MACROD2: variants seen among roughly 807,000 people sequenced by gnomAD.
The protein encoded by MACROD2 is mono-ADP ribosylhydrolase 2.
Under a neutral mutation model 70.4 loss-of-function variants are expected in MACROD2, and 36 were observed. The ratio of observed to expected loss-of-function variants is 0.51; its 90% CI spans 0.39 to 0.68. The LOEUF (loss-of-function observed/expected upper bound fraction) is 0.68, where lower values mean the gene tolerates loss of function less well. Ranked by LOEUF, MACROD2 falls within the 30% of genes least tolerant of loss-of-function variation. The pLI is 0.00. For missense variants in MACROD2, 496 were observed against 538.4 expected (o/e 0.92, Z 0.78); for synonymous variants, 172 against 178.8 (o/e 0.96, Z 0.30).
chr20:15,622,171 T>C (rs2049134995), intron 8 of MACROD2, among the ~76,000 whole-genome samples: 1 of 152,196 alleles, frequency 6.6e-6, no homozygotes, highest in African/African-American at 2.4e-5. Context: ...TGCTTTGAGT[T>C]TGGCTAATGG....
chr20:15,607,066 G>A (rs975151891), intron 8 of MACROD2, among the ~76,000 whole-genome samples: 5 of 151,444 alleles, frequency 3.3e-5, no homozygotes, highest in Middle Eastern at 6.9e-3. Flanking sequence ...CTATTATCCC[G>A]GCACTTTGGG....
intron 12 of MACROD2, among the ~76,000 whole-genome samples, chr20:15,938,084 A>G (rs1199691417): frequency 6.6e-6 from 1 of 152,138 alleles, no homozygotes; most frequent in Non-Finnish European, 1.5e-5. Flanking sequence ...AAAAAAAAAA[A>G]AACAATTTAC....
At chr20:14,355,578 GT>G (rs1353587120) in intron 3 of MACROD2, among the ~76,000 whole-genome samples, 2 of 98,862 alleles carry the variant, frequency 2.0e-5, no homozygotes, top group Non-Finnish European at 2.3e-5. Context: ...TGGTTTTTTT[GT>G]GATGACATGG....
intron 5 of MACROD2, among the ~76,000 whole-genome samples, chr20:14,703,677 C>A (rs568696051): frequency 1.3e-5 from 2 of 152,224 alleles, no homozygotes; most frequent in South Asian, 2.1e-4. Context: ...TGCTCTCCAG[C>A]CTTGATTACA....
chr20:15,417,165 T>A (rs1254150208), intron 6 of MACROD2, among the ~76,000 whole-genome samples: 2 of 152,218 alleles, frequency 1.3e-5, no homozygotes, highest in African/African-American at 4.8e-5. Context: ...AAAAGGACCT[T>A]AGCTCATCCC....
chr20:15,305,104 G>A (rs1338536781), intron 6 of MACROD2, among the ~76,000 whole-genome samples: 1 of 152,172 alleles, frequency 6.6e-6, no homozygotes, highest in Non-Finnish European at 1.5e-5. Context: ...GGGCATCTGA[G>A]TCTGTAATCA....
rs1982589498 is a variant in MACROD2 at position 14,602,988 on chromosome 20, A to G, written c.302-81855A>G. On this transcript the variant is annotated intron_variant, in intron 4 of 17. Coordinates refer to ENST00000684519, the MANE Select transcript of MACROD2 (RefSeq NM_001351661.2). ...TACCAAAGAGAGACCAGCATTACCCAATTACATCTAGGAGACAACAAATAT... is the reference window on the plus strand; with the variant it reads ...TACCAAAGAGAGACCAGCATTACCCGATTACATCTAGGAGACAACAAATAT... Among the ~76,000 whole-genome samples, 11 of 152,278 alleles carry G rather than the reference A, an allele frequency of 7.2e-5. No homozygotes were observed. The South Asian group carries it at 2.1e-3, about 29-fold the overall frequency.
At chr20:14,572,879 T>G (rs906579902) in intron 4 of MACROD2, among the ~76,000 whole-genome samples, 2 of 150,380 alleles carry the variant, frequency 1.3e-5, no homozygotes, top group African/African-American at 4.9e-5. Context: ...ATATTAAATA[T>G]TAAATATTAA....
chr20:15,482,750 C>G (rs913550046), intron 7 of MACROD2, among the ~76,000 whole-genome samples: 11 of 152,114 alleles, frequency 7.2e-5, no homozygotes, highest in African/African-American at 1.9e-4. Flanking sequence ...TGTTTTGGAT[C>G]TTGGCCATTC....
intron 15 of MACROD2, among the ~76,000 whole-genome samples, chr20:15,993,367 G>A (rs918002062): frequency 6.6e-6 from 1 of 151,530 alleles, no homozygotes; most frequent in Admixed American, 6.6e-5. Context: ...CATTTTTACT[G>A]TACCTTTTCT....
intron 3 of MACROD2, among the ~76,000 whole-genome samples, chr20:14,293,880 G>A (rs752959507): frequency 1.3e-5 from 2 of 151,836 alleles, no homozygotes; most frequent in African/African-American, 2.4e-5. Context: ...GCCATTGGAA[G>A]AGTATGAAAA....
At chr20:14,698,078 A>T (rs973323606) in intron 5 of MACROD2, among the ~76,000 whole-genome samples, 1 of 152,134 alleles carries the variant, frequency 6.6e-6, no homozygotes, top group Non-Finnish European at 1.5e-5. Context: ...CCTCACCCTC[A>T]TGGAACTGTG....
chr20:14,947,505 T>C (rs1172928960), intron 5 of MACROD2, among the ~76,000 whole-genome samples: 1 of 152,206 alleles, frequency 6.6e-6, no homozygotes, highest in Non-Finnish European at 1.5e-5. Flanking sequence ...GATTGGTTCA[T>C]AATAAGTGGT....
At chr20:15,624,975 A>G (rs1306098855) in intron 8 of MACROD2, among the ~76,000 whole-genome samples, 1 of 152,146 alleles carries the variant, frequency 6.6e-6, no homozygotes, top group African/African-American at 2.4e-5. Flanking sequence ...TCTTTTTGGT[A>G]TGGTTCTTTC....
intron 7 of MACROD2, among the ~76,000 whole-genome samples, chr20:15,450,916 C>A (rs1042113326): frequency 6.6e-6 from 1 of 152,120 alleles, no homozygotes; most frequent in South Asian, 2.1e-4. Flanking sequence ...AATGGAATTG[C>A]GTCCATCTCA....
At chr20:15,357,133 T>G (rs948964296) in intron 6 of MACROD2, among the ~76,000 whole-genome samples, 1 of 152,202 alleles carries the variant, frequency 6.6e-6, no homozygotes, top group Non-Finnish European at 1.5e-5. Flanking sequence ...AGATTTGTCT[T>G]AGAACAATTC....
In MACROD2 at chr20:15,407,049, G is replaced by A. The variant is rs142772290; in HGVS notation, c.541-24356G>A. 1.2e-3 allele frequency among the ~76,000 whole-genome samples: 177 copies of A among 152,324 alleles called. 1 individual carries two copies. Among genetic ancestry groups the A allele is most frequent in the African/African-American group, 4.0e-3 (167 of 41,578 alleles). On this transcript the variant is annotated intron_variant, in intron 6 of 17. Transcript: ENST00000684519. The stretch of plus-strand genomic sequence containing the variant: ...CGGAGACCAAGAATTGGAGCCAAGT[G>A]ACTGGTTCCGAGTCCTAGCTCCTGC...
chr20:14,174,783 C>G (rs2081250250), intron 3 of MACROD2, among the ~76,000 whole-genome samples: 1 of 152,180 alleles, frequency 6.6e-6, no homozygotes, highest in Admixed American at 6.5e-5. Context: ...CTTTGGCAGC[C>G]CTTCCCATGG....
intron 8 of MACROD2, among the ~76,000 whole-genome samples, chr20:15,854,308 G>C (rs1022989487): frequency 6.6e-6 from 1 of 152,130 alleles, no homozygotes; most frequent in Non-Finnish European, 1.5e-5. Flanking sequence ...CTCGTGTCCT[G>C]AACTGCTTTG....
Sources: gnomAD v4.1 joint callset for allele counts (sites outside exome capture counted in the v4.1 genomes callset) on GRCh38, gnomAD v4.1.1 for gene constraint, MANE v1.5 for transcripts, NCBI Gene and HGNC (gene_info 2026-07-23, HGNC 2026-07-21) for gene names.